Variants in PCDHA13 observed in about 807,000 individuals in gnomAD.
PCDHA13 encodes protocadherin alpha-13.
A neutral mutation model predicts 64.8 loss-of-function variants in PCDHA13; 54 were observed. The ratio of observed to expected loss-of-function variants is 0.83; its 90% CI spans 0.67 to 1.04. The LOEUF (loss-of-function observed/expected upper bound fraction) is 1.04. Ranked by LOEUF, PCDHA13 falls within the 50% of genes least tolerant of loss-of-function variation. PCDHA13 has a pLI of 0.00. For synonymous variants in PCDHA13, 587 were observed against 564.4 expected, an observed-to-expected ratio of 1.04 and a Z score of -0.57; for missense variants, 1,248 against 1,254.3, an observed-to-expected ratio of 0.99 and a Z score of 0.08.
intron 1 of PCDHA13, among the ~76,000 whole-genome samples, chr5:140,903,212 A>G (rs1387552422): frequency 6.6e-6 from 1 of 152,192 alleles, no homozygotes; most frequent in African/African-American, 2.4e-5. Context: ...CACCACATTC[A>G]TGCCAACATC....
At chr5:140,940,965 A>G (rs2092710706) in intron 1 of PCDHA13, among the ~76,000 whole-genome samples, 1 of 152,226 alleles carries the variant, frequency 6.6e-6, no homozygotes, top group Admixed American at 6.5e-5. Context: ...AATATGCAGG[A>G]TATCTGGTAT....
intron 1 of PCDHA13, among the ~76,000 whole-genome samples, chr5:140,934,524 G>A (rs181182103): frequency 4.4e-4 from 67 of 152,192 alleles, no homozygotes; most frequent in Admixed American, 3.1e-3. Context: ...ACCACACTTC[G>A]AGAGCTACCG....
intron 3 of PCDHA13, 116 bp from the exon 4 acceptor site, chr5:141,009,511 G>A (rs2098410295): frequency 2.7e-5 from 41 of 1,498,054 alleles, no homozygotes; most frequent in Admixed American, 9.3e-5. Context: ...CAAACAACTC[G>A]TGATTTTTCT....
At chr5:140,924,318 G>A (rs550515387) in intron 1 of PCDHA13, among the ~76,000 whole-genome samples, 1 of 152,164 alleles carries the variant, frequency 6.6e-6, no homozygotes, top group East Asian at 1.9e-4. Context: ...AATTTTATCT[G>A]AGACTTGGTG....
intron 1 of PCDHA13, chr5:140,926,342 G>T (rs1238404747): frequency 6.6e-6 from 1 of 152,270 alleles, no homozygotes; most frequent in Admixed American, 6.5e-5. Flanking sequence ...GCCGGGACCC[G>T]ACGCGCGGCT....
intron 1 of PCDHA13, chr5:140,927,406 G>A (rs782729912): frequency 1.2e-6 from 2 of 1,614,210 alleles, no homozygotes; most frequent in Admixed American, 1.7e-5. Flanking sequence ...CTTTCGCCTG[G>A]ACATGGGATC....
chr5:140,955,641 A>G (rs173471), intron 1 of PCDHA13, among the ~76,000 whole-genome samples: 85,644 of 151,978 alleles, frequency 0.56, 24,753 homozygotes, highest in African/African-American at 0.69. Flanking sequence ...TGTGAGAACA[A>G]ATTAATACAC....
chr5:140,918,680 C>A (rs1291001659), intron 1 of PCDHA13, among the ~76,000 whole-genome samples: 2 of 152,084 alleles, frequency 1.3e-5, no homozygotes, highest in Admixed American at 1.3e-4. Flanking sequence ...GAGGTGAGAC[C>A]TTTCAAACAT....
intron 3 of PCDHA13, among the ~76,000 whole-genome samples, chr5:140,997,287 A>G (rs1011963664): frequency 2.0e-5 from 3 of 152,280 alleles, no homozygotes; most frequent in Admixed American, 1.3e-4. Context: ...TCACTTAACA[A>G]TGGGGATACA....
In PCDHA13 at chr5:140,882,232, T is replaced by C; in HGVS notation, c.-37T>C. ...AGACAGTTTGAGGTAAGGCGTTGTA[T>C]ATATTGCAGATAGCTCTGAGGTTTT... On this transcript the variant is annotated 5_prime_UTR_variant, in exon 1 of 4. Coordinates refer to ENST00000289272, the MANE Select transcript of PCDHA13 (RefSeq NM_018904.3). The C allele has an allele frequency of 1.9e-6, 3 of 1,575,806 alleles. No individual in the cohort carries two copies. The highest frequency in any genetic ancestry group is 1.4e-5 in the African/African-American group (1 of 73,920).
intron 3 of PCDHA13, among the ~76,000 whole-genome samples, chr5:140,986,982 G>A (rs782173410): frequency 3.9e-5 from 6 of 152,164 alleles, no homozygotes; most frequent in Non-Finnish European, 8.8e-5. Context: ...GGGAGGCCAA[G>A]GCAGGCAGAT....
chr5:140,999,814 G>A (rs143341016), intron 3 of PCDHA13, among the ~76,000 whole-genome samples: 1 of 152,286 alleles, frequency 6.6e-6, no homozygotes, highest in African/African-American at 2.4e-5. Context: ...CAAAGCAAGA[G>A]CTGTGGCTTT....
At chr5:140,918,793 A>G (rs155800) in intron 1 of PCDHA13, among the ~76,000 whole-genome samples, 49,687 of 146,416 alleles carry the variant, frequency 0.34, 8,402 homozygotes, top group East Asian at 0.54. Context: ...GACACAGCAA[A>G]AATGTGACAT....
intron 3 of PCDHA13, among the ~76,000 whole-genome samples, chr5:141,003,811 C>G (rs1490096042): frequency 1.3e-5 from 2 of 152,114 alleles, no homozygotes; most frequent in African/African-American, 4.8e-5. Context: ...AATCTGTAGT[C>G]TGGGAAGGGC....
intron 2 of PCDHA13, among the ~76,000 whole-genome samples, chr5:140,981,831 G>A (rs2096952818): frequency 6.6e-6 from 1 of 152,006 alleles, no homozygotes; most frequent in African/African-American, 2.4e-5. Flanking sequence ...TGCCTCTAAA[G>A]GTCTCCCAGT....
chr5:140,942,713 T>C (rs2093359728), intron 1 of PCDHA13, among the ~76,000 whole-genome samples: 2 of 152,208 alleles, frequency 1.3e-5, no homozygotes, highest in Non-Finnish European at 1.5e-5. Flanking sequence ...AGTAAAAGTA[T>C]GAAATTTTGT....
intron 1 of PCDHA13, among the ~76,000 whole-genome samples, chr5:140,911,106 G>T (rs192768876): frequency 6.6e-6 from 1 of 152,214 alleles, no homozygotes; most frequent in Non-Finnish European, 1.5e-5. Flanking sequence ...TGCCTCAGGG[G>T]AAGCCATCAC....
chr5:140,883,657 C>A lies in PCDHA13; in HGVS notation c.1389C>A (p.Phe463Leu), dbSNP rs782568456. 2 of 1,613,470 alleles carry A rather than the reference C, an allele frequency of 1.2e-6. No homozygotes were observed. The highest frequency in any genetic ancestry group is 4.5e-5 in the East Asian group (2 of 44,828). Residue 463 changes from phenylalanine (F) to leucine (L), a missense_variant, in exon 1 of 4, where the codon TTC (phenylalanine) becomes TTA (leucine). Coordinates refer to ENST00000289272, the MANE Select transcript of PCDHA13 (RefSeq NM_018904.3). ...PAFAQPEYTV[F>L]VKENNPPGCH... is the part of the protein sequence containing the mutation. ...TCGCGCAGCCCGAGTACACGGTGTT[C>A]GTGAAGGAAAACAATCCGCCGGGCT...
intron 1 of PCDHA13, among the ~76,000 whole-genome samples, chr5:140,949,802 A>G (rs974562597): frequency 1.3e-5 from 2 of 151,818 alleles, no homozygotes; most frequent in Admixed American, 6.6e-5. Flanking sequence ...CCTTCAATAC[A>G]TTATTTGCTT....
Sources: gnomAD v4.1 joint callset for allele counts (sites outside exome capture counted in the v4.1 genomes callset) on GRCh38, gnomAD v4.1.1 for gene constraint, MANE v1.5 for transcripts, NCBI Gene and HGNC (gene_info 2026-07-23, HGNC 2026-07-21) for gene names.